SCD: variants seen among roughly 807,000 people sequenced by gnomAD.
The protein encoded by SCD is acyl-CoA desaturase.
SCD carries 4 observed loss-of-function variants against 35.7 expected under a neutral mutation model. The observed-to-expected ratio is 0.11, with a 90% CI of 0.06 to 0.26. The LOEUF (loss-of-function observed/expected upper bound fraction) is 0.26, where lower values mean the gene tolerates loss of function less well. SCD is among the 10% of genes least tolerant of loss of function. The pLI is 1.00. For synonymous variants in SCD, 150 were observed against 170.2 expected, an observed-to-expected ratio of 0.88 and a Z score of 0.92; for missense variants, 282 against 460.7, an observed-to-expected ratio of 0.61 and a Z score of 3.55.
At chr10:100,349,714 A>C (rs1483460413) in intron 2 of SCD, among the ~76,000 whole-genome samples, 3 of 152,292 alleles carry the variant, frequency 2.0e-5, no homozygotes, top group African/African-American at 7.2e-5. Flanking sequence ...CCGCAGAGAC[A>C]GAACAGGCCA....
Position 100,347,412 on chromosome 10 carries a change from G to C in SCD, c.-93G>C, listed in dbSNP as rs1035505191. On this transcript the variant is annotated 5_prime_UTR_variant, in exon 1 of 6. Coordinates refer to ENST00000370355, the MANE Select transcript of SCD (RefSeq NM_005063.5). ...AAGGCGCCGCGGCTCAGCGCGTACC[G>C]GCGGGCTTCGAAACCGCAGTCCTCC... 5 of 1,381,330 alleles carry C rather than the reference G, an allele frequency of 3.6e-6. No homozygotes were observed. Among genetic ancestry groups the C allele is most frequent in the Non-Finnish European group, 5.0e-6 (5 of 991,662 alleles). 85.6% of individuals were successfully genotyped at this position (1,381,330 alleles called of 1,614,324 possible). A position where few individuals can be genotyped will look rare whatever the true frequency, so the allele number is the denominator to read the frequency against.
At chr10:100,351,448 C>T (rs1849871785) in intron 2 of SCD, among the ~76,000 whole-genome samples, 1 of 152,144 alleles carries the variant, frequency 6.6e-6, no homozygotes, top group Non-Finnish European at 1.5e-5. Context: ...AACGTGAAAT[C>T]TTTGGTAAAG....
intron 5 of SCD, among the ~76,000 whole-genome samples, chr10:100,358,836 A>T (rs1302434440): frequency 6.6e-6 from 1 of 150,828 alleles, no homozygotes; most frequent in Non-Finnish European, 1.5e-5. Context: ...GCTGAGGCAG[A>T]AGAATCGCTT....
intron 3 of SCD, among the ~76,000 whole-genome samples, chr10:100,354,199 A>T (rs1849902189): frequency 6.6e-6 from 1 of 152,236 alleles, no homozygotes; most frequent in Non-Finnish European, 1.5e-5. Context: ...AAGAAACAGC[A>T]GTTCTATTGC....
rs1183527739 is a variant in SCD at position 100,356,447 on chromosome 10, GCCCAT to G, written c.648-81_648-77del. The stretch of plus-strand genomic sequence containing the variant: ...AGCAATTCAACATGGAAGAAAGACA[GCCCAT>G]CCCCTCCCAATTAGTGTGGAAGATC... On this transcript the variant is annotated intron_variant, in intron 4 of 5. Transcript: ENST00000370355. The surrounding 1 kb of genome is among the most constrained non-coding windows in gnomAD (Gnocchi z 4.1). 1 of 905,142 alleles carries G rather than the reference GCCCAT, an allele frequency of 1.1e-6. No individual in the cohort carries two copies. Among genetic ancestry groups the G allele is most frequent in the Non-Finnish European group, 1.8e-6 (1 of 561,306 alleles). 56.1% of individuals were successfully genotyped at this position (905,142 alleles called of 1,614,324 possible). A position where few individuals can be genotyped will look rare whatever the true frequency, so the allele number is the denominator to read the frequency against.
chr10:100,355,682 C>T (rs548386473), intron 4 of SCD, among the ~76,000 whole-genome samples: 1 of 152,226 alleles, frequency 6.6e-6, no homozygotes, highest in Admixed American at 6.5e-5. Context: ...GAAGCAGTGG[C>T]AGAAATGGAG....
Position 100,347,431 on chromosome 10 carries a change from G to A in SCD, c.-74G>A, listed in dbSNP as rs963037925. The A allele has an allele frequency of 1.5e-5, 23 of 1,534,576 alleles. No individual in the cohort carries two copies. In the African/African-American group the frequency reaches 3.0e-4, roughly 20 times the overall value. On this transcript the variant is annotated 5_prime_UTR_variant, in exon 1 of 6. Transcript: ENST00000370355. ...CGTACCGGCGGGCTTCGAAACCGCA[G>A]TCCTCCGGCGACCCCGAACTCCGCT... is the stretch of plus-strand genomic sequence containing the variant.
chr10:100,347,679 TG>T, intron 1 of SCD, 148 bp downstream of exon 1: 1 of 868,998 alleles, frequency 1.2e-6, no homozygotes, highest in Non-Finnish European at 1.8e-6. Context: ...GAGTTGGGAA[TG>T]TGGATTGTAA....
At chr10:100,358,747 T>TAAA (rs11381871) in intron 5 of SCD, among the ~76,000 whole-genome samples, 39 of 112,882 alleles carry the variant, frequency 3.5e-4, no homozygotes, top group East Asian at 2.8e-3. Flanking sequence ...TGTCTCTACT[T>TAAA]AAAAAAAAAA....
chr10:100,356,054 T>G lies in SCD; in HGVS notation c.648-478T>G, dbSNP rs1216226821. 6.6e-6 allele frequency among the ~76,000 whole-genome samples: 1 copy of G among 152,186 alleles called. No individual in the cohort carries two copies. Among genetic ancestry groups the G allele is most frequent in the Non-Finnish European group, 1.5e-5 (1 of 68,038 alleles). ...GTTTGTAGTTTGGACCTCACCTATC[T>G]TACCAATGTGGTATTATGCTCTAGT... On this transcript the variant is annotated intron_variant, in intron 4 of 5. Coordinates refer to ENST00000370355, the MANE Select transcript of SCD (RefSeq NM_005063.5). The surrounding 1 kb of genome is among the most constrained non-coding windows in gnomAD (Gnocchi z 4.1).
chr10:100,352,285 C>T lies in SCD; in HGVS notation c.311-81C>T. On this transcript the variant is annotated intron_variant, in intron 2 of 5. Transcript: ENST00000370355. This position sits in a 1 kb window ranked among gnomAD's most constrained non-coding sequence, Gnocchi z 4.2. The stretch of plus-strand genomic sequence containing the variant: ...AAAGCCTGACGAAGACAGTTTCTAG[C>T]ATCCAGAGAGTGTCTCTGGCATCCT... 2.1e-6 allele frequency: 3 copies of T among 1,423,004 alleles called. No homozygotes were observed. In the South Asian group the frequency reaches 3.7e-5, roughly 18 times the overall value. 88.1% of individuals were successfully genotyped at this position (1,423,004 alleles called of 1,614,324 possible).
chr10:100,348,447 C>T lies in SCD; in HGVS notation c.310+101C>T, dbSNP rs1037557317. ...AGGACACCAGCCCCTCCCAGCCTCCCGGTTGGGGTTTTTCTCAGGCATTTC... is the reference window on the plus strand; with the variant it reads ...AGGACACCAGCCCCTCCCAGCCTCCTGGTTGGGGTTTTTCTCAGGCATTTC... On this transcript the variant is annotated intron_variant, in intron 2 of 5. Coordinates refer to ENST00000370355, the MANE Select transcript of SCD (RefSeq NM_005063.5). 2.3e-5 allele frequency: 28 copies of T among 1,224,666 alleles called. No homozygotes were observed. The Admixed American group carries it at 2.7e-4, about 12-fold the overall frequency. 75.9% of individuals were successfully genotyped at this position (1,224,666 alleles called of 1,614,324 possible).
rs202174784 is a variant in SCD, at chr10:100,364,123, T to A, written c.*3190T>A. On this transcript the variant is annotated 3_prime_UTR_variant, in exon 6 of 6. Transcript: ENST00000370355. Reference sequence around the variant, plus strand: ...GAATGTATTTGATTTATAAGTTTTTTTTTTTTTTTTGGGTTAAAAGATGGT... The same window carrying A: ...GAATGTATTTGATTTATAAGTTTTTATTTTTTTTTTGGGTTAAAAGATGGT... 2 of 152,054 alleles carry A rather than the reference T, an allele frequency of 1.3e-5. No individual in the cohort carries two copies. The highest frequency in any genetic ancestry group is 2.9e-5 in the Non-Finnish European group (2 of 68,026). 9.4% of individuals were successfully genotyped at this position (152,054 alleles called of 1,614,324 possible).
At position 100,363,839 on chromosome 10, in the gene SCD, T is replaced by TG. The variant is rs201913197; in HGVS notation, c.*2912dup. 1,680 of 152,720 alleles carry TG rather than the reference T, an allele frequency of 0.011. 20 individuals carry two copies. The highest frequency in any genetic ancestry group is 0.024 in the African/African-American group (999 of 41,544). 9.5% of individuals were successfully genotyped at this position (152,720 alleles called of 1,614,324 possible). ...TCCGGATTTCTAACAGTCCTTGCTT[T>TG]GGGGGGTGTGCTGACAACTTAGCTC... On this transcript the variant is annotated 3_prime_UTR_variant, in exon 6 of 6. Transcript: ENST00000370355.
intron 5 of SCD, among the ~76,000 whole-genome samples, chr10:100,358,747 TAA>T (rs11381871): frequency 5.3e-5 from 6 of 112,882 alleles, no homozygotes; most frequent in Admixed American, 2.7e-4. Flanking sequence ...TGTCTCTACT[TAA>T]AAAAAAAAAA....
intron 2 of SCD, among the ~76,000 whole-genome samples, chr10:100,349,074 G>A (rs1421457460): frequency 6.6e-6 from 1 of 152,118 alleles, no homozygotes; most frequent in African/African-American, 2.4e-5. Flanking sequence ...CCCCCCTACT[G>A]ATGCCATGAA....
intron 1 of SCD, 136 bp from the exon 2 acceptor site, chr10:100,347,928 C>G (rs1340175451): frequency 1.1e-6 from 1 of 879,306 alleles, no homozygotes; most frequent in Non-Finnish European, 1.8e-6. Context: ...TCGGATACAC[C>G]CTACCCTCAG....
rs1419733641 is a variant in SCD, at chr10:100,356,079, T to C, written c.648-453T>C. ...TTACCAATGTGGTATTATGCTCTAG[T>C]AAAAAGTCAGCGATGGCCGGGCATG... On this transcript the variant is annotated intron_variant, in intron 4 of 5. Transcript: ENST00000370355. This position sits in a 1 kb window ranked among gnomAD's most constrained non-coding sequence, Gnocchi z 4.1. Among the ~76,000 whole-genome samples, 2 of 152,148 alleles carry C rather than the reference T, an allele frequency of 1.3e-5. No homozygotes were observed. Among genetic ancestry groups the C allele is most frequent in the African/African-American group, 2.4e-5 (1 of 41,438 alleles).
intron 2 of SCD, among the ~76,000 whole-genome samples, chr10:100,350,608 T>C (rs145572973): frequency 1.5e-4 from 23 of 152,334 alleles, no homozygotes; most frequent in African/African-American, 5.1e-4. Flanking sequence ...TAAGCCCTTC[T>C]ATTTGATAGG....
Sources: allele counts gnomAD v4.1 joint callset (sites outside exome capture counted in the v4.1 genomes callset), GRCh38; gene constraint gnomAD v4.1.1; non-coding constraint Gnocchi (gnomAD v3.1); transcripts MANE v1.5; gene names NCBI Gene and HGNC (gene_info 2026-07-23, HGNC 2026-07-21).